Variants in MED27 observed in about 807,000 individuals in gnomAD.
The protein encoded by MED27 is mediator of RNA polymerase II transcription subunit 27.
A neutral mutation model predicts 38.2 loss-of-function variants in MED27; 30 were observed. That is an observed-to-expected ratio of 0.79 (90% CI 0.59 to 1.07). The LOEUF (loss-of-function observed/expected upper bound fraction) is 1.07. MED27 is among the 50% of genes least tolerant of loss of function. MED27 has a pLI of 0.00. For missense variants in MED27, 289 were observed against 397.5 expected (o/e 0.73, Z 2.32); for synonymous variants, 122 against 153.5 (o/e 0.79, Z 1.52).
chr9:132,059,250 G>C (rs941097030), intron 2 of MED27, among the ~76,000 whole-genome samples: 1 of 152,190 alleles, frequency 6.6e-6, no homozygotes, highest in Non-Finnish European at 1.5e-5. Flanking sequence ...GAGAAAGTCT[G>C]GTATCTCAGA....
At chr9:132,076,044 A>C (rs1278915568) in intron 2 of MED27, among the ~76,000 whole-genome samples, 1 of 152,160 alleles carries the variant, frequency 6.6e-6, no homozygotes, top group East Asian at 1.9e-4. Context: ...TGACATGGAC[A>C]CTGGGAGGTC....
At chr9:131,875,706 C>T (rs138913101) in intron 6 of MED27, among the ~76,000 whole-genome samples, 1 of 152,216 alleles carries the variant, frequency 6.6e-6, no homozygotes, top group Non-Finnish European at 1.5e-5. Context: ...CTTAACCTCC[C>T]ACACCCAAAC....
chr9:131,879,771 G>A (rs1839003122), intron 6 of MED27, among the ~76,000 whole-genome samples: 2 of 152,218 alleles, frequency 1.3e-5, no homozygotes, highest in Admixed American at 1.3e-4. Flanking sequence ...GCAGGTGGAA[G>A]ATGTCTGCCG....
chr9:132,076,057 C>G lies in MED27; in HGVS notation c.348+1385G>C, dbSNP rs140063850. Among the ~76,000 whole-genome samples, 622 of 152,162 alleles carry G rather than the reference C, an allele frequency of 4.1e-3. 4 individuals are homozygous for G. Among genetic ancestry groups the G allele is most frequent in the African/African-American group, 0.014 (584 of 41,520 alleles). On this transcript the variant is annotated intron_variant, in intron 2 of 7. Coordinates refer to ENST00000292035, the MANE Select transcript of MED27 (RefSeq NM_004269.4). ...CCTGACATGGACACTGGGAGGTCAC[C>G]AGGTATAAGAACTATGTATATCCAC...
intron 3 of MED27, among the ~76,000 whole-genome samples, chr9:131,967,919 G>A (rs770869330): frequency 6.7e-6 from 1 of 150,186 alleles, no homozygotes; most frequent in Non-Finnish European, 1.5e-5. Context: ...CTGGGTTCAC[G>A]CCATTCTCCT....
chr9:132,068,019 A>G (rs981199810), intron 2 of MED27, among the ~76,000 whole-genome samples: 6 of 152,202 alleles, frequency 3.9e-5, no homozygotes, highest in African/African-American at 1.4e-4. Context: ...ACTTTTGTGC[A>G]TATTTGAAAT....
chr9:132,055,355 T>G (rs1833552781), intron 2 of MED27, among the ~76,000 whole-genome samples: 1 of 152,178 alleles, frequency 6.6e-6, no homozygotes, highest in Admixed American at 6.5e-5. Flanking sequence ...GCTCACCAAG[T>G]TTTATTGCAA....
chr9:131,968,189 GAGAC>G (rs1188410675), intron 3 of MED27, among the ~76,000 whole-genome samples: 1 of 152,054 alleles, frequency 6.6e-6, no homozygotes, highest in Non-Finnish European at 1.5e-5. Flanking sequence ...TAAGAATGTT[GAGAC>G]CAGGCACGGT....
At chr9:132,064,259 C>A (rs1833761832) in intron 2 of MED27, among the ~76,000 whole-genome samples, 1 of 152,160 alleles carries the variant, frequency 6.6e-6, no homozygotes, top group African/African-American at 2.4e-5. Flanking sequence ...GGGAACCCAG[C>A]ATACCCGGAG....
chr9:131,863,542 C>T (rs370347493), intron 6 of MED27, among the ~76,000 whole-genome samples: 40 of 152,372 alleles, frequency 2.6e-4, no homozygotes, highest in East Asian at 1.7e-3. Flanking sequence ...CGCACACTTC[C>T]TCTTCCTCCT....
chr9:132,009,094 T>A (rs926560819), intron 3 of MED27, among the ~76,000 whole-genome samples: 4 of 152,192 alleles, frequency 2.6e-5, no homozygotes, highest in Non-Finnish European at 5.9e-5. Context: ...GTTGCTATGA[T>A]GCTCTGCTCC....
rs901927223 is a variant in MED27 at position 132,040,816 on chromosome 9, C to T, written c.349-26349G>A. Among the ~76,000 whole-genome samples the T allele has an allele frequency of 3.9e-5, 6 of 152,212 alleles. No homozygotes were observed. In the South Asian group the frequency reaches 6.2e-4, roughly 16 times the overall value. On this transcript the variant is annotated intron_variant, in intron 2 of 7. Coordinates refer to ENST00000292035, the MANE Select transcript of MED27 (RefSeq NM_004269.4). ...GGATATTCTAGGAAGGCCCAGGCAACGGTTTGATTTCCTCCCATATGCTTT... is the reference window on the plus strand; with the variant it reads ...GGATATTCTAGGAAGGCCCAGGCAATGGTTTGATTTCCTCCCATATGCTTT...
Position 131,872,062 on chromosome 9 carries a change from C to G in MED27, c.724-8922G>C, listed in dbSNP as rs1838845724. Among the ~76,000 whole-genome samples, 1 of 152,210 alleles carries G rather than the reference C, an allele frequency of 6.6e-6. No individual in the cohort carries two copies. The highest frequency in any genetic ancestry group is 1.5e-5 in the Non-Finnish European group (1 of 68,040). On this transcript the variant is annotated intron_variant, in intron 6 of 7. Coordinates refer to ENST00000292035, the MANE Select transcript of MED27 (RefSeq NM_004269.4). This position sits in a 1 kb window ranked among gnomAD's most constrained non-coding sequence, Gnocchi z 5.6. ...TGGGCCGGAGTGGAGGCTGGCGACG[C>G]AGCATGCAGGTGAGGAACAGACGCT...
At chr9:132,029,195 G>A (rs1216200998) in intron 2 of MED27, among the ~76,000 whole-genome samples, 3 of 152,184 alleles carry the variant, frequency 2.0e-5, no homozygotes, top group African/African-American at 7.2e-5. Context: ...ACAAATAGTA[G>A]AGATTGAAAG....
chr9:132,027,432 G>A (rs1372824985), intron 2 of MED27, among the ~76,000 whole-genome samples: 1 of 152,200 alleles, frequency 6.6e-6, no homozygotes, highest in Non-Finnish European at 1.5e-5. Flanking sequence ...AACTCCTCCT[G>A]ACTCGCCTCT....
chr9:132,058,495 C>T (rs1281183893), intron 2 of MED27, among the ~76,000 whole-genome samples: 1 of 152,054 alleles, frequency 6.6e-6, no homozygotes. Context: ...TCATAAGGGG[C>T]TTTTCCCCCT....
intron 3 of MED27, among the ~76,000 whole-genome samples, chr9:131,971,712 G>T (rs371525835): frequency 6.6e-6 from 1 of 152,098 alleles, no homozygotes; most frequent in Non-Finnish European, 1.5e-5. Context: ...GACTGGGAGT[G>T]GGGGGCGGGG....
intron 6 of MED27, among the ~76,000 whole-genome samples, chr9:131,864,752 G>A (rs1183828611): frequency 6.6e-6 from 1 of 152,288 alleles, no homozygotes; most frequent in Admixed American, 6.5e-5. Context: ...CGGCTCTGCA[G>A]CCAGGCAAGC....
chr9:132,047,973 T>C (rs894409840), intron 2 of MED27, among the ~76,000 whole-genome samples: 1 of 152,148 alleles, frequency 6.6e-6, no homozygotes, highest in Non-Finnish European at 1.5e-5. Flanking sequence ...ACACTAAGCA[T>C]GTGGGAGTTA....
Sources: allele counts gnomAD v4.1 joint callset (sites outside exome capture counted in the v4.1 genomes callset), GRCh38; gene constraint gnomAD v4.1.1; non-coding constraint Gnocchi (gnomAD v3.1); transcripts MANE v1.5; gene names NCBI Gene and HGNC (gene_info 2026-07-23, HGNC 2026-07-21).